Variants in DYNC1H1 observed in about 807,000 individuals in gnomAD.
DYNC1H1 encodes cytoplasmic dynein 1 heavy chain 1.
A neutral mutation model predicts 527.1 loss-of-function variants in DYNC1H1; 51 were observed. The ratio of observed to expected loss-of-function variants is 0.10; its 90% CI spans 0.08 to 0.12. The LOEUF is 0.12. Ranked by LOEUF, DYNC1H1 falls within the 10% of genes least tolerant of loss-of-function variation. DYNC1H1 has a pLI of 1.00. For missense variants in DYNC1H1, 2,771 were observed against 5,971.8 expected (o/e 0.46, Z 17.66); for synonymous variants, 2,189 against 2,278.8 (o/e 0.96, Z 1.12).
chr14:101,983,105 C>G lies in DYNC1H1; in HGVS notation c.1048C>G (p.Leu350Val), dbSNP rs2047887737. Residue 350 changes from leucine (L) to valine (V), a missense_variant, in exon 6 of 78, where the codon CTG (leucine) becomes GTG (valine). Leu to Val is a conservative substitution (Grantham distance 32, BLOSUM62 1). Coordinates refer to ENST00000360184, the MANE Select transcript of DYNC1H1 (RefSeq NM_001376.5). This position sits in a 1 kb window ranked among gnomAD's most constrained non-coding sequence, Gnocchi z 5.3. ...GAATGATTTGCTGTCTGCCACGGAG[C>G]TGGACAAAATAAGACAGGCGCTTGT... ...PLNDLLSATE[L>V]DKIRQALVAI... is the part of the protein sequence containing the mutation. 1 of 1,614,092 alleles carries G rather than the reference C, an allele frequency of 6.2e-7. No individual in the cohort carries two copies. Among genetic ancestry groups the G allele is most frequent in the Admixed American group, 1.7e-5 (1 of 60,004 alleles).
intron 1 of DYNC1H1, among the ~76,000 whole-genome samples, chr14:101,974,765 G>A (rs1030161403): frequency 1.4e-4 from 22 of 151,974 alleles, no homozygotes; most frequent in Admixed American, 6.6e-5. Context: ...ATACTCCTGA[G>A]CTGAAGTGGT....
At chr14:102,023,026 G>T (rs2048404564) in intron 43 of DYNC1H1, 146 bp downstream of exon 43, 3 of 1,298,564 alleles carry the variant, frequency 2.3e-6, no homozygotes, top group Admixed American at 4.0e-5. Context: ...ACTTTGGGAG[G>T]CTGAGGCAGG....
chr14:102,048,747 A>G, intron 74 of DYNC1H1, 78 bp downstream of exon 74: 7 of 1,396,292 alleles, frequency 5.0e-6, no homozygotes, highest in Non-Finnish European at 6.7e-6. Context: ...CCAGCCACAC[A>G]GCACCACGTG....
intron 24 of DYNC1H1, 24 bp downstream of exon 24, chr14:102,004,707 A>G (rs186167499): frequency 1.2e-6 from 2 of 1,614,214 alleles, no homozygotes; most frequent in Admixed American, 1.7e-5. Flanking sequence ...CGTAACTTTT[A>G]AAACTTCTCT....
At position 102,033,736 on chromosome 14, in the gene DYNC1H1, T is replaced by C; in HGVS notation, c.10414-240T>C. 1 of 680,192 alleles carries C rather than the reference T, an allele frequency of 1.5e-6. No homozygotes were observed. Among genetic ancestry groups the C allele is most frequent in the Non-Finnish European group, 2.5e-6 (1 of 398,276 alleles). The allele number at this position is 680,192 out of a possible 1,614,324, so 42.1% of individuals were successfully genotyped here. A position where few individuals can be genotyped will look rare whatever the true frequency, so the allele number is the denominator to read the frequency against. ...CCCCACCAGCAGCTCCAGACCTGTT[T>C]GCTCTGCTGCCTGAGGGCCTCGCTC... On this transcript the variant is annotated intron_variant, in intron 54 of 77. Coordinates refer to ENST00000360184, the MANE Select transcript of DYNC1H1 (RefSeq NM_001376.5). This position sits in a 1 kb window ranked among gnomAD's most constrained non-coding sequence, Gnocchi z 5.6.
rs1346530099 is a variant in DYNC1H1 at position 102,053,052 on chromosome 14, C to G, written c.*2489C>G. 1 of 152,078 alleles carries G rather than the reference C, an allele frequency of 6.6e-6. No individual in the cohort carries two copies. The highest frequency in any genetic ancestry group is 2.4e-5 in the African/African-American group (1 of 41,406). 9.4% of individuals were successfully genotyped at this position (152,078 alleles called of 1,614,324 possible). On this transcript the variant is annotated 3_prime_UTR_variant, in exon 78 of 78. Coordinates refer to ENST00000360184, the MANE Select transcript of DYNC1H1 (RefSeq NM_001376.5). ...CAAGAGCAGTTCTGCGAGGCGGAAT[C>G]AAGTCTAACATGCTCGCATGCGCTG...
At position 102,049,439 on chromosome 14, in the gene DYNC1H1, G is replaced by C; in HGVS notation, c.13373-1G>C. On this transcript the variant is annotated splice_acceptor_variant, in intron 74 of 77. Coordinates refer to ENST00000360184, the MANE Select transcript of DYNC1H1 (RefSeq NM_001376.5). LOFTEE classifies it high-confidence loss of function. This position sits in a 1 kb window ranked among gnomAD's most constrained non-coding sequence, Gnocchi z 5.5. ...CTGGGCTCTGTGTGCCTTGGCTGCA[G>C]GGATCTTGCCTCGGAGCTGGTCCCA... is the stretch of plus-strand genomic sequence containing the variant. The C allele has an allele frequency of 6.2e-7, 1 of 1,614,028 alleles. No individual in the cohort carries two copies. Among genetic ancestry groups the C allele is most frequent in the Non-Finnish European group, 8.5e-7 (1 of 1,180,042 alleles).
chr14:101,985,500 A>G lies in DYNC1H1; in HGVS notation c.1462-187A>G, dbSNP rs981210972. Among the ~76,000 whole-genome samples, 12 of 151,708 alleles carry G rather than the reference A, an allele frequency of 7.9e-5. No individual in the cohort carries two copies. Among genetic ancestry groups the G allele is most frequent in the African/African-American group, 2.9e-4 (12 of 41,328 alleles). ...CCACCATGCCTGGCAAATTGTTTGT[A>G]TTTTTAGTAGAGACTGGGTTTCACC... is the stretch of plus-strand genomic sequence containing the variant. On this transcript the variant is annotated intron_variant, in intron 7 of 77. Transcript: ENST00000360184. The surrounding 1 kb of genome is among the most constrained non-coding windows in gnomAD (Gnocchi z 5.9).
At chr14:102,023,189 C>G (rs1245971500) in intron 43 of DYNC1H1, 1 of 391,194 alleles carries the variant, frequency 2.6e-6, no homozygotes. Flanking sequence ...TCACAGTGAG[C>G]TGTGGTCACA....
Position 102,033,682 on chromosome 14 carries a change from C to T in DYNC1H1, c.10413+198C>T. On this transcript the variant is annotated intron_variant, in intron 54 of 77. Coordinates refer to ENST00000360184, the MANE Select transcript of DYNC1H1 (RefSeq NM_001376.5). The surrounding 1 kb of genome is among the most constrained non-coding windows in gnomAD (Gnocchi z 5.6). ...TGTTGTTAATTAGGATAGATTGATA[C>T]AAACTGGACACTTTTCAGCCGTTGA... 1 of 749,860 alleles carries T rather than the reference C, an allele frequency of 1.3e-6. No homozygotes were observed. The highest frequency in any genetic ancestry group is 2.2e-6 in the Non-Finnish European group (1 of 453,530). 46.5% of individuals were successfully genotyped at this position (749,860 alleles called of 1,614,324 possible).
chr14:102,017,080 C>T lies in DYNC1H1; in HGVS notation c.7849-8C>T. The stretch of plus-strand genomic sequence containing the variant: ...CTTACAGTGTGGTTTTGTGTCTTCC[C>T]TCCAAAGGTGGTGGGTCTCAACTTC... On this transcript the variant is annotated splice_region_variant and splice_polypyrimidine_tract_variant and intron_variant, in intron 38 of 77. Transcript: ENST00000360184. This position sits in a 1 kb window ranked among gnomAD's most constrained non-coding sequence, Gnocchi z 4.6. 1 of 1,614,220 alleles carries T rather than the reference C, an allele frequency of 6.2e-7. No homozygotes were observed. The highest frequency in any genetic ancestry group is 8.5e-7 in the Non-Finnish European group (1 of 1,180,042).
intron 1 of DYNC1H1, among the ~76,000 whole-genome samples, chr14:101,972,801 T>A (rs1407190435): frequency 6.6e-6 from 1 of 152,266 alleles, no homozygotes; most frequent in Non-Finnish European, 1.5e-5. Context: ...TTAATTTTAT[T>A]TTCTGTATAT....
At position 102,043,925 on chromosome 14, in the gene DYNC1H1, G is replaced by C. The variant is rs370064490; in HGVS notation, c.12564G>C (p.Ala4188=). ...ACTTCCTGCTGGCCTGGTTTCATGCGATCATCCAAGAACGCTTACGATACG... is the reference window on the plus strand; with the variant it reads ...ACTTCCTGCTGGCCTGGTTTCATGCCATCATCCAAGAACGCTTACGATACG... ...RLYFLLAWFH[A]IIQERLRYAP... The change falls in exon 70 of 78, where the codon GCG becomes GCC. Residue 4188 remains alanine, a synonymous_variant. Transcript: ENST00000360184. 1 of 1,614,230 alleles carries C rather than the reference G, an allele frequency of 6.2e-7. No homozygotes were observed. The highest frequency in any genetic ancestry group is 8.5e-7 in the Non-Finnish European group (1 of 1,180,044).
chr14:102,039,199 T>G lies in DYNC1H1; in HGVS notation c.11405T>G (p.Leu3802Arg). Residue 3802 changes from leucine (L) to arginine (R), a missense_variant, in exon 60 of 78, where the codon CTC becomes CGC. Around this residue, in one of 32 missense-constraint regions of DYNC1H1, gnomAD observed 283 missense variants for 737.6 expected, o/e 0.38. Transcript: ENST00000360184. This position sits in a 1 kb window ranked among gnomAD's most constrained non-coding sequence, Gnocchi z 7.0. The part of the protein sequence containing the change: ...QEVETVSQQY[L>R]PLSTACSSIY... ...GTGGAGACCGTGTCCCAGCAGTACC[T>G]CCCGCTCTCCACCGCCTGCAGCAGC... 1 of 1,613,982 alleles carries G rather than the reference T, an allele frequency of 6.2e-7. No homozygotes were observed.
chr14:102,006,760 C>G (rs988248356), intron 27 of DYNC1H1, among the ~76,000 whole-genome samples: 1 of 151,388 alleles, frequency 6.6e-6, no homozygotes, highest in Admixed American at 6.6e-5. Flanking sequence ...CCAACATGCC[C>G]GGCTAATTTT....
At position 102,042,344 on chromosome 14, in the gene DYNC1H1, C is replaced by T. The variant is rs2048661985; in HGVS notation, c.12276-40C>T. Reference sequence around the variant, plus strand: ...CTTAGTCCCCAGGCATTCAGGCAGGCAGCCTGGCATGCTGTGTGACTCTCA... The same window carrying T: ...CTTAGTCCCCAGGCATTCAGGCAGGTAGCCTGGCATGCTGTGTGACTCTCA... On this transcript the variant is annotated intron_variant, in intron 67 of 77. Coordinates refer to ENST00000360184, the MANE Select transcript of DYNC1H1 (RefSeq NM_001376.5). The surrounding 1 kb of genome is among the most constrained non-coding windows in gnomAD (Gnocchi z 5.7). 2.5e-6 allele frequency: 4 copies of T among 1,614,062 alleles called. No homozygotes were observed. In the African/African-American group the frequency reaches 4.0e-5, roughly 16 times the overall value.
At position 102,003,099 on chromosome 14, in the gene DYNC1H1, A is replaced by G. The variant is rs1417349557; in HGVS notation, c.4883+134A>G. On this transcript the variant is annotated intron_variant, in intron 23 of 77. Transcript: ENST00000360184. ...AGGATTTTGTTAGCCAATAATACAT[A>G]TAATGATTACCATTCCCTTCCCTGT... 14 of 1,184,320 alleles carry G rather than the reference A, an allele frequency of 1.2e-5. No individual in the cohort carries two copies. The South Asian group carries it at 1.6e-4, about 13-fold the overall frequency. The allele number at this position is 1,184,320 out of a possible 1,614,324, so 73.4% of individuals were successfully genotyped here.
intron 1 of DYNC1H1, among the ~76,000 whole-genome samples, chr14:101,974,037 A>T (rs537418969): frequency 6.6e-6 from 1 of 152,342 alleles, no homozygotes; most frequent in East Asian, 1.9e-4. Flanking sequence ...GACTTTCTCA[A>T]GGTCACATAT....
intron 1 of DYNC1H1, among the ~76,000 whole-genome samples, chr14:101,967,539 TTGTTAAAG>T (rs1306133442): frequency 6.6e-6 from 1 of 152,196 alleles, no homozygotes; most frequent in Non-Finnish European, 1.5e-5. Context: ...TAAACTTTTG[TTGTTAAAG>T]TGCAGCATTG....
Sources: gnomAD v4.1 joint callset for allele counts (sites outside exome capture counted in the v4.1 genomes callset) on GRCh38, gnomAD v4.1.1 for gene constraint, gnomAD v4.1.1 regional missense constraint, Gnocchi (gnomAD v3.1) non-coding constraint, MANE v1.5 for transcripts, NCBI Gene and HGNC (gene_info 2026-07-23, HGNC 2026-07-21) for gene names.